The following FTO variants were observed in gnomAD, a reference collection of about 807,000 sequenced individuals.
FTO encodes the protein alpha-ketoglutarate-dependent dioxygenase FTO.
FTO carries 47 observed loss-of-function variants against 63.9 expected under a neutral mutation model. The observed-to-expected ratio is 0.74, with a 90% CI of 0.58 to 0.94. FTO has a LOEUF of 0.94. Among genes scored for constraint, FTO ranks in the 40% least tolerant of loss-of-function variants. FTO has a pLI of 0.00. For synonymous variants in FTO, 207 were observed against 224.4 expected, an observed-to-expected ratio of 0.92 and a Z score of 0.69; for missense variants, 562 against 618.1, an observed-to-expected ratio of 0.91 and a Z score of 0.96.
At chr16:53,847,329 T>G (rs1216459920) in intron 4 of FTO, among the ~76,000 whole-genome samples, 1 of 152,218 alleles carries the variant, frequency 6.6e-6, no homozygotes, top group African/African-American at 2.4e-5. Flanking sequence ...TTCCTGTGCC[T>G]TCTTCTTCCC....
At chr16:53,835,006 A>G (rs1486582523) in intron 3 of FTO, among the ~76,000 whole-genome samples, 1 of 152,138 alleles carries the variant, frequency 6.6e-6, no homozygotes, top group African/African-American at 2.4e-5. Flanking sequence ...AAAACCTGTG[A>G]TCTGTTATCC....
chr16:53,870,580 G>A (rs1190791632), intron 4 of FTO, among the ~76,000 whole-genome samples: 2 of 152,072 alleles, frequency 1.3e-5, no homozygotes, highest in African/African-American at 4.8e-5. Context: ...ACTGCTCTTG[G>A]TTTTATAATA....
chr16:53,861,455 ATTC>A (rs1455855246), intron 4 of FTO, among the ~76,000 whole-genome samples: 2 of 151,922 alleles, frequency 1.3e-5, no homozygotes, highest in Non-Finnish European at 2.9e-5. Context: ...TTTGTTGGCC[ATTC>A]TTCTTTCTGT....
At chr16:53,815,837 C>T (rs1293556967) in intron 2 of FTO, among the ~76,000 whole-genome samples, 1 of 149,824 alleles carries the variant, frequency 6.7e-6, no homozygotes, top group Non-Finnish European at 1.5e-5. Flanking sequence ...TTAGTAGAAA[C>T]AGGGTTTCGC....
intron 8 of FTO, among the ~76,000 whole-genome samples, chr16:53,995,204 C>T (rs901202456): frequency 1.3e-5 from 2 of 152,300 alleles, no homozygotes; most frequent in East Asian, 1.9e-4. Context: ...ATGATTGTCT[C>T]GTTCACCAAA....
intron 8 of FTO, among the ~76,000 whole-genome samples, chr16:53,952,628 G>T (rs948421600): frequency 6.6e-6 from 1 of 152,172 alleles, no homozygotes; most frequent in African/African-American, 2.4e-5. Flanking sequence ...AAACTCTCTA[G>T]CAAAGAGCAT....
intron 5 of FTO, among the ~76,000 whole-genome samples, chr16:53,876,350 A>G (rs1836434202): frequency 6.6e-6 from 1 of 152,196 alleles, no homozygotes; most frequent in Admixed American, 6.5e-5. Flanking sequence ...TTACTCATCA[A>G]TATATAGCAC....
At chr16:53,832,748 A>C (rs1454919541) in intron 3 of FTO, among the ~76,000 whole-genome samples, 2 of 152,158 alleles carry the variant, frequency 1.3e-5, no homozygotes, top group Admixed American at 6.6e-5. Flanking sequence ...ATATACATAA[A>C]ATTAATCATT....
chr16:53,746,616 A>G (rs1425324365), intron 1 of FTO, among the ~76,000 whole-genome samples: 1 of 152,182 alleles, frequency 6.6e-6, no homozygotes, highest in Non-Finnish European at 1.5e-5. Context: ...ATGGGATGCA[A>G]AGTGATGTTA....
At chr16:53,842,527 A>G (rs1346484534) in intron 3 of FTO, among the ~76,000 whole-genome samples, 2 of 152,150 alleles carry the variant, frequency 1.3e-5, no homozygotes, top group African/African-American at 4.8e-5. Flanking sequence ...TGTACCCCAG[A>G]AAAACTAGTC....
chr16:54,067,139 G>GT (rs5816920), intron 8 of FTO, among the ~76,000 whole-genome samples: 16 of 144,718 alleles, frequency 1.1e-4, no homozygotes, highest in African/African-American at 3.4e-4. Context: ...GGTTGTTGTT[G>GT]TTTTTTTTTT....
intron 1 of FTO, among the ~76,000 whole-genome samples, chr16:53,728,221 A>C (rs1383741304): frequency 6.6e-6 from 1 of 152,136 alleles, no homozygotes; most frequent in South Asian, 2.1e-4. Flanking sequence ...CCTGGGCAAC[A>C]GTGCTAGACC....
rs1429913785 is a variant in FTO, at chr16:53,804,195, C to T, written c.46-5945C>T. ...GGCATTGGAATTCAAGAGTTTGGCT[C>T]CTTAGGCTATACACACATAACAAAG... On this transcript the variant is annotated intron_variant, in intron 1 of 8. Transcript: ENST00000471389. 2.6e-5 allele frequency among the ~76,000 whole-genome samples: 4 copies of T among 152,138 alleles called. No homozygotes were observed. The East Asian group carries it at 7.7e-4, about 29-fold the overall frequency.
intron 8 of FTO, among the ~76,000 whole-genome samples, chr16:54,072,765 G>A (rs1469750834): frequency 3.3e-5 from 5 of 152,128 alleles, no homozygotes; most frequent in African/African-American, 1.2e-4. Context: ...CACTAGGATG[G>A]CTAACTAGGA....
intron 8 of FTO, among the ~76,000 whole-genome samples, chr16:54,025,380 TGGGTCAC>T (rs1454212018): frequency 6.6e-6 from 1 of 152,198 alleles, no homozygotes; most frequent in Non-Finnish European, 1.5e-5. Context: ...TTGAAGTATT[TGGGTCAC>T]CCAGTAACCA....
chr16:54,004,022 A>G (rs977483954), intron 8 of FTO, among the ~76,000 whole-genome samples: 4 of 152,186 alleles, frequency 2.6e-5, no homozygotes, highest in South Asian at 2.1e-4. Flanking sequence ...TTATATTTGT[A>G]TGACACTCCA....
chr16:53,896,729 G>A (rs553024504), intron 7 of FTO, among the ~76,000 whole-genome samples: 1 of 152,250 alleles, frequency 6.6e-6, no homozygotes, highest in South Asian at 2.1e-4. Context: ...CTTCGAGGCC[G>A]GTTGACCGAG....
In FTO at chr16:54,085,814, C is replaced by T. The variant is rs533546720; in HGVS notation, c.1365-25948C>T. 9.2e-5 allele frequency among the ~76,000 whole-genome samples: 14 copies of T among 152,256 alleles called. No homozygotes were observed. In the South Asian group the frequency reaches 2.5e-3, roughly 27 times the overall value. On this transcript the variant is annotated intron_variant, in intron 8 of 8. Transcript: ENST00000471389. ...CTCGCTGTAGTTGTTGGTTATTCAC[C>T]GCACCCTCTCTCTGGCTTCAGTCTC...
At chr16:53,914,636 A>G (rs1249985618) in intron 7 of FTO, among the ~76,000 whole-genome samples, 2 of 152,100 alleles carry the variant, frequency 1.3e-5, no homozygotes, top group African/African-American at 2.4e-5. Flanking sequence ...ATTACTGGAA[A>G]AGCGCTTTGT....
Sources: gnomAD v4.1 joint callset for allele counts (sites outside exome capture counted in the v4.1 genomes callset) on GRCh38, gnomAD v4.1.1 for gene constraint, MANE v1.5 for transcripts, NCBI Gene and HGNC (gene_info 2026-07-23, HGNC 2026-07-21) for gene names.